The following CYFIP1 variants were observed in gnomAD, a reference collection of about 807,000 sequenced individuals.
CYFIP1 encodes the protein cytoplasmic FMR1 interacting protein 1.
In CYFIP1, 58 loss-of-function variants were observed where a neutral mutation model predicts 163.5. The observed-to-expected ratio is 0.35, with a 90% confidence interval of 0.29 to 0.44. The LOEUF (loss-of-function observed/expected upper bound fraction) is 0.44, where lower values mean the gene tolerates loss of function less well. CYFIP1 is among the 20% of genes least tolerant of loss of function. The pLI is 1.00. For synonymous variants in CYFIP1, 663 were observed against 660.7 expected, an observed-to-expected ratio of 1.00 and a Z score of -0.05; for missense variants, 1,338 against 1,653.8, an observed-to-expected ratio of 0.81 and a Z score of 3.31.
chr15:22,916,067 A>C (rs2060967910), intron 16 of CYFIP1, among the ~76,000 whole-genome samples: 1 of 152,164 alleles, frequency 6.6e-6, no homozygotes, highest in Admixed American at 6.5e-5. Context: ...GTGGCCGGTC[A>C]AGGTGGCCGG....
rs1359671781 is a variant in CYFIP1, at chr15:22,944,923, T to G, written c.224A>C (p.Glu75Ala). 6.2e-7 allele frequency: 1 copy of G among 1,613,886 alleles called. No individual in the cohort carries two copies. Among genetic ancestry groups the G allele is most frequent in the African/African-American group, 1.3e-5 (1 of 74,884 alleles). Reference protein sequence around the residue: ...VHSSMNEMLEEGQEYAVMLYT... With the variant: ...VHSSMNEMLEAGQEYAVMLYT... ...CAGCATGACAGCATATTCTTGGCCC[T>G]CCTCCAGCATCTCGTTCTGCAATGG... The change falls in exon 4 of 31, where the codon GAG becomes GCG. Residue 75 changes from glutamate (E) to alanine (A), a missense_variant. Glu to Ala is a moderately radical substitution (Grantham distance 107). This residue lies in a region of CYFIP1 where 186 missense variants were observed against 288.3 expected (regional missense o/e 0.65). Coordinates refer to ENST00000617928, the MANE Select transcript of CYFIP1 (RefSeq NM_014608.6).
intron 3 of CYFIP1, chr15:22,946,600 C>T: frequency 3.0e-6 from 1 of 336,586 alleles, no homozygotes; most frequent in Admixed American, 3.9e-5. Flanking sequence ...AAGATCGCGC[C>T]ACTGTACTCC....
At chr15:22,905,817 T>C (rs1370564284) in intron 21 of CYFIP1, among the ~76,000 whole-genome samples, 1 of 151,826 alleles carries the variant, frequency 6.6e-6, no homozygotes, top group Non-Finnish European at 1.5e-5. Flanking sequence ...TGTAGTACAG[T>C]GGAACGATCT....
In CYFIP1 at chr15:22,933,790, C is replaced by T; in HGVS notation, c.992+12G>A. ...CGAAAGCTCAAACCAGGCAGCTTTC[C>T]TCTCCTCCTACCGAGATTTATTTTC... On this transcript the variant is annotated intron_variant, in intron 10 of 30. Coordinates refer to ENST00000617928, the MANE Select transcript of CYFIP1 (RefSeq NM_014608.6). 1.9e-6 allele frequency: 3 copies of T among 1,606,176 alleles called. No individual in the cohort carries two copies. Among genetic ancestry groups the T allele is most frequent in the Middle Eastern group, 1.7e-4 (1 of 6,040 alleles).
intron 11 of CYFIP1, 114 bp downstream of exon 11, chr15:22,932,107 CAT>C: frequency 1.5e-6 from 1 of 688,292 alleles, no homozygotes; most frequent in Non-Finnish European, 2.4e-6. Flanking sequence ...CATTATGTGA[CAT>C]ATGATCGTAT....
chr15:22,867,305 T>G lies in CYFIP1; in HGVS notation c.*2723A>C. On this transcript the variant is annotated 3_prime_UTR_variant, in exon 31 of 31. Coordinates refer to ENST00000617928, the MANE Select transcript of CYFIP1 (RefSeq NM_014608.6). ...CTTACCTACAAAAGTGGCTCCTGTT[T>G]GTTTGATGATGATTGGTTTTATTTT... 2.5e-6 allele frequency: 1 copy of G among 398,354 alleles called. No individual in the cohort carries two copies. 24.7% of individuals were successfully genotyped at this position (398,354 alleles called of 1,614,324 possible). A position where few individuals can be genotyped will look rare whatever the true frequency, so the allele number is the denominator to read the frequency against.
At chr15:22,968,682 C>T (rs2062992517) in intron 1 of CYFIP1, among the ~76,000 whole-genome samples, 1 of 152,198 alleles carries the variant, frequency 6.6e-6, no homozygotes, top group Non-Finnish European at 1.5e-5. Flanking sequence ...AAAACCTTAT[C>T]CCTGTGGTCT....
At chr15:22,957,204 A>C (rs1316167547) in intron 1 of CYFIP1, among the ~76,000 whole-genome samples, 2 of 152,234 alleles carry the variant, frequency 1.3e-5, no homozygotes, top group East Asian at 1.9e-4. Flanking sequence ...CAGTCATTTA[A>C]AAATTTTACA....
intron 1 of CYFIP1, among the ~76,000 whole-genome samples, chr15:22,964,353 TCACACACACACA>T (rs71117466): frequency 0.035 from 2,725 of 78,714 alleles, 52 homozygotes; most frequent in Middle Eastern, 0.067. Context: ...ACCTCATCAC[TCACACACACACA>T]CACACACACA....
At chr15:22,971,676 CA>C (rs34402750) in intron 1 of CYFIP1, among the ~76,000 whole-genome samples, 25,529 of 133,268 alleles carry the variant, frequency 0.19, 2,835 homozygotes, top group African/African-American at 0.34. Context: ...AACTCTGTCT[CA>C]AAAAAAAAAA....
intron 1 of CYFIP1, among the ~76,000 whole-genome samples, chr15:22,971,533 G>T (rs369961757): frequency 6.6e-6 from 1 of 152,062 alleles, no homozygotes; most frequent in East Asian, 1.9e-4. Context: ...TTAGCCAGGC[G>T]TGGTAGTGGG....
chr15:22,924,703 T>A (rs1453814059), intron 13 of CYFIP1, among the ~76,000 whole-genome samples: 1 of 128,044 alleles, frequency 7.8e-6, no homozygotes, highest in East Asian at 2.1e-4. Flanking sequence ...ATGGGTGAAC[T>A]GTATGGTTAT....
At chr15:22,947,629 G>A (rs2062105096) in intron 1 of CYFIP1, among the ~76,000 whole-genome samples, 2 of 152,136 alleles carry the variant, frequency 1.3e-5, no homozygotes, top group Non-Finnish European at 2.9e-5. Flanking sequence ...ACTCTCTCGA[G>A]GGTCTGACGA....
rs1383839376 is a variant in CYFIP1, at chr15:22,939,526, T to A, written c.570-19A>T. Reference sequence around the variant, plus strand: ...AGCGGCCCTTTGAAAACAAAAAGAATTCATCCCAAAATGCACCAACGTGCC... The same window carrying A: ...AGCGGCCCTTTGAAAACAAAAAGAAATCATCCCAAAATGCACCAACGTGCC... On this transcript the variant is annotated intron_variant, in intron 6 of 30. Transcript: ENST00000617928. 1.5e-6 allele frequency: 2 copies of A among 1,360,646 alleles called. No individual in the cohort carries two copies. Among genetic ancestry groups the A allele is most frequent in the Non-Finnish European group, 2.0e-6 (2 of 998,140 alleles). 84.3% of individuals were successfully genotyped at this position (1,360,646 alleles called of 1,614,324 possible).
At chr15:22,889,188 T>A (rs893501953) in intron 23 of CYFIP1, among the ~76,000 whole-genome samples, 16 of 151,820 alleles carry the variant, frequency 1.1e-4, no homozygotes, top group African/African-American at 3.4e-4. Context: ...TAGTTGAATT[T>A]AAAAAAAAAT....
intron 1 of CYFIP1, among the ~76,000 whole-genome samples, chr15:22,970,259 C>T (rs2065846282): frequency 6.6e-6 from 1 of 152,064 alleles, no homozygotes; most frequent in South Asian, 2.1e-4. Context: ...GAAAGACTTA[C>T]ACACTAAAAA....
chr15:22,964,409 C>CACACA (rs2062831020), intron 1 of CYFIP1, among the ~76,000 whole-genome samples: 1 of 111,892 alleles, frequency 8.9e-6, no homozygotes, highest in Admixed American at 9.7e-5. Context: ...ACACACACAC[C>CACACA]CGGCAGCCCT....
intron 21 of CYFIP1, among the ~76,000 whole-genome samples, chr15:22,908,818 C>T (rs959536132): frequency 3.3e-5 from 5 of 152,068 alleles, no homozygotes; most frequent in Admixed American, 6.5e-5. Flanking sequence ...CATGAGCCAC[C>T]GTGCCAGCCA....
chr15:22,871,652 A>G (rs2059436650), intron 30 of CYFIP1, among the ~76,000 whole-genome samples: 1 of 152,172 alleles, frequency 6.6e-6, no homozygotes, highest in East Asian at 1.9e-4. Context: ...AGTGGGCTCA[A>G]TATAGTCACA....
Sources: allele counts gnomAD v4.1 joint callset (sites outside exome capture counted in the v4.1 genomes callset), GRCh38; gene constraint gnomAD v4.1.1; regional missense constraint gnomAD v4.1.1; transcripts MANE v1.5; gene names NCBI Gene and HGNC (gene_info 2026-07-23, HGNC 2026-07-21).